FGD5: variants seen among roughly 807,000 people sequenced by gnomAD.
FGD5 encodes the protein FYVE, RhoGEF and PH domain-containing protein 5.
In FGD5, 28 loss-of-function variants were observed where a neutral mutation model predicts 133.4. The ratio of observed to expected loss-of-function variants is 0.21; its 90% CI spans 0.16 to 0.29. FGD5 has a LOEUF of 0.29. Among genes scored for constraint, FGD5 ranks in the 10% least tolerant of loss-of-function variants. FGD5 has a pLI of 1.00. For synonymous variants in FGD5, 810 were observed against 776.5 expected (o/e 1.04, Z -0.72); for missense variants, 1,858 against 1,895.2 (o/e 0.98, Z 0.36).
intron 1 of FGD5, among the ~76,000 whole-genome samples, chr3:14,847,494 A>G (rs1352786662): frequency 6.6e-6 from 1 of 152,204 alleles, no homozygotes; most frequent in Non-Finnish European, 1.5e-5. Context: ...GGAGACTCAG[A>G]GTCTGTCCTG....
At chr3:14,867,852 C>T (rs1168416814) in intron 2 of FGD5, among the ~76,000 whole-genome samples, 2 of 152,202 alleles carry the variant, frequency 1.3e-5, no homozygotes, top group African/African-American at 4.8e-5. Flanking sequence ...TCTGTCTCCA[C>T]CACCTCAGAA....
At position 14,917,234 on chromosome 3, in the gene FGD5, T is replaced by A. The variant is rs1181023449; in HGVS notation, c.3406-15T>A. 1 of 1,610,704 alleles carries A rather than the reference T, an allele frequency of 6.2e-7. No homozygotes were observed. The highest frequency in any genetic ancestry group is 1.3e-5 in the African/African-American group (1 of 74,806). On this transcript the variant is annotated splice_polypyrimidine_tract_variant and intron_variant, in intron 11 of 19. Transcript: ENST00000285046. This position sits in a 1 kb window ranked among gnomAD's most constrained non-coding sequence, Gnocchi z 4.1. The stretch of plus-strand genomic sequence containing the variant: ...CTGGGGCCAGGGTCCTCTCATAGGG[T>A]TTCCCTCTCTCCAGATGAACGATGT...
intron 1 of FGD5, among the ~76,000 whole-genome samples, chr3:14,832,250 A>G (rs1451895648): frequency 6.6e-6 from 1 of 152,188 alleles, no homozygotes; most frequent in African/African-American, 2.4e-5. Context: ...GAGCTGAGGC[A>G]AACAGACACT....
At chr3:14,906,312 C>G (rs1464982070) in intron 9 of FGD5, among the ~76,000 whole-genome samples, 1 of 152,248 alleles carries the variant, frequency 6.6e-6, no homozygotes, top group Non-Finnish European at 1.5e-5. Context: ...CGGCTGAGCT[C>G]TGTGGCTCTG....
In FGD5 at chr3:14,917,175, G is replaced by A; in HGVS notation, c.3406-74G>A. On this transcript the variant is annotated intron_variant, in intron 11 of 19. Coordinates refer to ENST00000285046, the MANE Select transcript of FGD5 (RefSeq NM_152536.4). The surrounding 1 kb of genome is among the most constrained non-coding windows in gnomAD (Gnocchi z 4.1). The stretch of plus-strand genomic sequence containing the variant: ...GATGCCTGTGCACAGCGGAGCTCAG[G>A]GATCCTTTGAGGACAGAAGCCTGGC... The A allele has an allele frequency of 1.5e-6, 2 of 1,371,998 alleles. No homozygotes were observed. Among genetic ancestry groups the A allele is most frequent in the Non-Finnish European group, 2.0e-6 (2 of 985,616 alleles). 85.0% of individuals were successfully genotyped at this position (1,371,998 alleles called of 1,614,324 possible).
rs372905668 is a variant in FGD5, at chr3:14,885,829, A to G, written c.2748+5057A>G. 4.3e-4 allele frequency among the ~76,000 whole-genome samples: 66 copies of G among 152,334 alleles called. No homozygotes were observed. The South Asian group carries it at 0.014, about 32-fold the overall frequency. ...CTACCCAGGTTCAATGGGAGGGGAC[A>G]TAGTCTCTCCTATTCAATGGGAGGA... is the stretch of plus-strand genomic sequence containing the variant. On this transcript the variant is annotated intron_variant, in intron 4 of 19. Transcript: ENST00000285046.
chr3:14,861,858 T>C (rs2037403940), intron 1 of FGD5, among the ~76,000 whole-genome samples: 1 of 152,094 alleles, frequency 6.6e-6, no homozygotes, highest in South Asian at 2.1e-4. Context: ...GGAATGCCCC[T>C]GAAGAAGTTA....
At chr3:14,910,449 G>A (rs1350057073) in intron 10 of FGD5, among the ~76,000 whole-genome samples, 3 of 152,130 alleles carry the variant, frequency 2.0e-5, no homozygotes, top group Admixed American at 6.5e-5. Flanking sequence ...GTCTTAGTAA[G>A]TTGCCCAGGC....
In FGD5 at chr3:14,918,790, C is replaced by G. The variant is rs754270147; in HGVS notation, c.3526C>G (p.Leu1176Val). Residue 1176 changes from leucine (L) to valine (V), a missense_variant, in exon 13 of 20, where the codon CTA (leucine) becomes GTA (valine). This residue lies in a region of FGD5 where 1,824 missense variants were observed against 1,848.9 expected (regional missense o/e 0.99). Transcript: ENST00000285046. The stretch of plus-strand genomic sequence containing the variant: ...TGTGATGGAGAAAGTGCCCTACGCT[C>G]TAAAGATTGAGACTTCCGAGTCCTG... ...RPVMEKVPYA[L>V]KIETSESCLM... 2.6e-5 allele frequency: 42 copies of G among 1,613,858 alleles called. No homozygotes were observed. The East Asian group carries it at 9.1e-4, about 35-fold the overall frequency.
chr3:14,904,637 A>G (rs1231456556), intron 9 of FGD5, among the ~76,000 whole-genome samples: 1 of 152,152 alleles, frequency 6.6e-6, no homozygotes, highest in Non-Finnish European at 1.5e-5. Context: ...CCCTGTTTGC[A>G]TTAATTGGAT....
At chr3:14,897,853 G>C (rs1466720211) in intron 5 of FGD5, 86 bp from the exon 6 acceptor site, 1 of 1,552,588 alleles carries the variant, frequency 6.4e-7, no homozygotes. Flanking sequence ...CTGCACCCAG[G>C]GATGTGACTC....
intron 18 of FGD5, 80 bp downstream of exon 18, chr3:14,926,278 G>C: frequency 1.3e-6 from 2 of 1,567,136 alleles, no homozygotes; most frequent in Non-Finnish European, 1.7e-6. Flanking sequence ...CCTGTCACTT[G>C]CAAAGCTGTG....
chr3:14,854,277 T>C (rs543367661), intron 1 of FGD5, among the ~76,000 whole-genome samples: 2 of 152,262 alleles, frequency 1.3e-5, no homozygotes, highest in South Asian at 2.1e-4. Flanking sequence ...GGTAAACTTA[T>C]TGAGTGGTGG....
At chr3:14,927,624 G>C (rs1575266464) in intron 18 of FGD5, among the ~76,000 whole-genome samples, 1 of 152,298 alleles carries the variant, frequency 6.6e-6, no homozygotes, top group East Asian at 1.9e-4. Context: ...GAAGTGGATA[G>C]CTGGTTTGCA....
intron 2 of FGD5, among the ~76,000 whole-genome samples, chr3:14,865,063 G>A (rs550267464): frequency 7.9e-5 from 12 of 152,290 alleles, no homozygotes; most frequent in African/African-American, 2.6e-4. Flanking sequence ...TTTGTTCTGC[G>A]GGGGACACAA....
Position 14,918,754 on chromosome 3 carries a change from GT to G in FGD5, c.3491del (p.Val1164AlafsTer5). On this transcript the variant is annotated frameshift_variant and splice_region_variant, in exon 13 of 20. Coordinates refer to ENST00000285046, the MANE Select transcript of FGD5 (RefSeq NM_152536.4). LOFTEE classifies it high-confidence loss of function. The part of the protein sequence containing the change: ...KNTLAVANMK[V>X]SRPVMEKVPY... ...AAGGAGGCTGCTGTTGGTTTTCCAGGTCAGCCGCCCTGTGATGGAGAAAGTG... is the reference window on the plus strand; with the variant it reads ...AAGGAGGCTGCTGTTGGTTTTCCAGGCAGCCGCCCTGTGATGGAGAAAGTG... 1 of 1,613,968 alleles carries G rather than the reference GT, an allele frequency of 6.2e-7. No individual in the cohort carries two copies. The highest frequency in any genetic ancestry group is 8.5e-7 in the Non-Finnish European group (1 of 1,179,888).
Position 14,819,082 on chromosome 3 carries a change from G to T in FGD5, c.11G>T (p.Gly4Val). Residue 4 changes from glycine (G) to valine (V), a missense_variant, in exon 1 of 20, where the codon GGT (glycine) becomes GTT (valine). Physicochemically the swap from Gly to Val is moderately radical, Grantham distance 109. This residue lies in a region of FGD5 where 29 missense variants were observed against 27.6 expected (regional missense o/e 1.05). Transcript: ENST00000285046. The surrounding 1 kb of genome is among the most constrained non-coding windows in gnomAD (Gnocchi z 4.1). ...CACAGTCCAAACTCCATGTTCAGGG[G>T]TCCGAAGCCCCCCATTGCCCCCAAG... MFRGPKPPIAPKPR... is the reference protein window; with the variant it reads MFRVPKPPIAPKPR... 6.5e-7 allele frequency: 1 copy of T among 1,548,654 alleles called. No individual in the cohort carries two copies. Among genetic ancestry groups the T allele is most frequent in the Non-Finnish European group, 8.7e-7 (1 of 1,146,510 alleles).
chr3:14,817,987 A>C (rs1171012557), upstream of FGD5, among the ~76,000 whole-genome samples: 1 of 152,164 alleles, frequency 6.6e-6, no homozygotes, highest in Non-Finnish European at 1.5e-5. Flanking sequence ...GCAACCACTC[A>C]TTTGACCGTT....
Position 14,844,215 on chromosome 3 carries a change from AAAATATATATATATATAT to A in FGD5, c.2526-19911_2526-19894del, listed in dbSNP as rs1312898539. 2.6e-3 allele frequency among the ~76,000 whole-genome samples: 71 copies of A among 27,502 alleles called. 4 individuals carry two copies. Among genetic ancestry groups the A allele is most frequent in the African/African-American group, 6.0e-3 (38 of 6,342 alleles). The allele number at this position is 27,502 out of a possible 152,430, so 18.0% of individuals were successfully genotyped here. ...ATCTTAATAGGCATTAAAAAAAAAA[AAAATATATATATATATAT>A]ATATATATATATATATATATATATA... On this transcript the variant is annotated intron_variant, in intron 1 of 19. Coordinates refer to ENST00000285046, the MANE Select transcript of FGD5 (RefSeq NM_152536.4).
Sources: allele counts gnomAD v4.1 joint callset (sites outside exome capture counted in the v4.1 genomes callset), GRCh38; gene constraint gnomAD v4.1.1; regional missense constraint gnomAD v4.1.1; non-coding constraint Gnocchi (gnomAD v3.1); transcripts MANE v1.5; gene names NCBI Gene and HGNC (gene_info 2026-07-23, HGNC 2026-07-21).